Variants in GRID1 observed in about 807,000 individuals in gnomAD.
GRID1 encodes glutamate receptor ionotropic, delta-1.
Under a neutral mutation model 98.0 loss-of-function variants are expected in GRID1, and 28 were observed. The observed-to-expected ratio is 0.29, with a 90% confidence interval of 0.21 to 0.39. The LOEUF is 0.39. Among genes scored for constraint, GRID1 ranks in the 10% least tolerant of loss-of-function variants. GRID1 has a pLI of 1.00. For missense variants in GRID1, 1,111 were observed against 1,340.5 expected (o/e 0.83, Z 2.67); for synonymous variants, 553 against 538.5 (o/e 1.03, Z -0.37).
At chr10:85,984,976 AT>A (rs1842591432) in intron 4 of GRID1, among the ~76,000 whole-genome samples, 2 of 152,096 alleles carry the variant, frequency 1.3e-5, no homozygotes, top group Non-Finnish European at 2.9e-5. Context: ...CTAGCACTAC[AT>A]TTTGGGCTGA....
At chr10:86,054,105 C>G (rs546915315) in intron 4 of GRID1, among the ~76,000 whole-genome samples, 19 of 152,274 alleles carry the variant, frequency 1.2e-4, no homozygotes, top group African/African-American at 4.3e-4. Flanking sequence ...TCTCATGACC[C>G]CCTGAAAATG....
At chr10:86,140,921 C>T (rs1386085411) in intron 3 of GRID1, among the ~76,000 whole-genome samples, 3 of 152,156 alleles carry the variant, frequency 2.0e-5, no homozygotes. Context: ...CAGCAGCATA[C>T]AAATGAGAAC....
chr10:86,182,057 A>G (rs1845663279), intron 3 of GRID1, among the ~76,000 whole-genome samples: 1 of 152,202 alleles, frequency 6.6e-6, no homozygotes, highest in Non-Finnish European at 1.5e-5. Flanking sequence ...TAATGACTTC[A>G]GACTCCGCAC....
intron 4 of GRID1, among the ~76,000 whole-genome samples, chr10:86,111,368 C>T (rs1014382397): frequency 6.6e-6 from 1 of 152,174 alleles, no homozygotes; most frequent in African/African-American, 2.4e-5. Flanking sequence ...ATCCAATCAA[C>T]CATGCCCAGC....
Position 86,302,246 on chromosome 10 carries a change from C to G in GRID1, c.235+61695G>C, listed in dbSNP as rs1847699682. On this transcript the variant is annotated intron_variant, in intron 2 of 15. Transcript: ENST00000327946. ...TTGAGACTCACTCCACAGGGGCCAC[C>G]ATGCCTTCTTGGGAGACACATCTGC... Among the ~76,000 whole-genome samples the G allele has an allele frequency of 2.0e-5, 3 of 152,340 alleles. No homozygotes were observed. The South Asian group carries it at 6.2e-4, about 32-fold the overall frequency.
At chr10:86,294,383 C>A (rs71471194) in intron 2 of GRID1, among the ~76,000 whole-genome samples, 23,910 of 152,208 alleles carry the variant, frequency 0.16, 2,396 homozygotes, top group South Asian at 0.29. Flanking sequence ...GCACCAGCAT[C>A]TTTCTGGTGC....
intron 4 of GRID1, among the ~76,000 whole-genome samples, chr10:85,981,489 G>A (rs1274085207): frequency 6.6e-6 from 1 of 152,182 alleles, no homozygotes; most frequent in Non-Finnish European, 1.5e-5. Flanking sequence ...CAGCCACTAG[G>A]AACCTTGGCA....
intron 4 of GRID1, among the ~76,000 whole-genome samples, chr10:86,130,948 C>T (rs535321472): frequency 2.0e-5 from 3 of 152,228 alleles, no homozygotes; most frequent in Admixed American, 6.5e-5. Flanking sequence ...CCCCCCATCC[C>T]GTAAGGAGCA....
chr10:85,841,591 A>G (rs1842961773), intron 8 of GRID1, among the ~76,000 whole-genome samples: 1 of 152,188 alleles, frequency 6.6e-6, no homozygotes. Context: ...TGCATCTCAC[A>G]AAGGCCTAAT....
intron 8 of GRID1, among the ~76,000 whole-genome samples, chr10:85,817,873 A>G (rs937787257): frequency 1.3e-5 from 2 of 152,188 alleles, no homozygotes; most frequent in Non-Finnish European, 2.9e-5. Context: ...CCTGAGTGAC[A>G]AAACAAGACT....
intron 8 of GRID1, among the ~76,000 whole-genome samples, chr10:85,765,121 T>C (rs1246675071): frequency 6.6e-6 from 1 of 152,164 alleles, no homozygotes; most frequent in Non-Finnish European, 1.5e-5. Context: ...TATTATGTTG[T>C]ATTATCTCAA....
chr10:85,972,610 C>G (rs960056939), intron 4 of GRID1, among the ~76,000 whole-genome samples: 11 of 151,846 alleles, frequency 7.2e-5, no homozygotes, highest in Non-Finnish European at 1.6e-4. Flanking sequence ...ATTGGCTACA[C>G]AATAGTCTAT....
At chr10:86,140,200 C>T (rs2131973028) in intron 3 of GRID1, among the ~76,000 whole-genome samples, 1 of 152,286 alleles carries the variant, frequency 6.6e-6, no homozygotes, top group East Asian at 1.9e-4. Flanking sequence ...CCTTGCATTC[C>T]ACCTCCCATA....
At chr10:85,836,855 G>A (rs887759130) in intron 8 of GRID1, among the ~76,000 whole-genome samples, 8 of 142,348 alleles carry the variant, frequency 5.6e-5, no homozygotes, top group African/African-American at 2.0e-4. Flanking sequence ...GCAGCGTCAG[G>A]TGCCCTGGTG....
At chr10:85,786,669 A>G (rs1842432146) in intron 8 of GRID1, among the ~76,000 whole-genome samples, 1 of 152,238 alleles carries the variant, frequency 6.6e-6, no homozygotes, top group African/African-American at 2.4e-5. Flanking sequence ...AAGCGGCACT[A>G]AAATAAAATG....
intron 3 of GRID1, among the ~76,000 whole-genome samples, chr10:86,183,373 T>G (rs1845684704): frequency 6.6e-6 from 1 of 150,714 alleles, no homozygotes; most frequent in Non-Finnish European, 1.5e-5. Context: ...TTTATTTATT[T>G]ATTGAGATAG....
At chr10:85,980,619 A>G (rs1317769094) in intron 4 of GRID1, among the ~76,000 whole-genome samples, 5 of 152,196 alleles carry the variant, frequency 3.3e-5, no homozygotes, top group African/African-American at 1.2e-4. Context: ...CCCTATGGAA[A>G]ACACACTCGT....
rs567451377 is a variant in GRID1 at position 85,878,321 on chromosome 10, G to C, written c.781-9141C>G. The stretch of plus-strand genomic sequence containing the variant: ...GCAACTCCAAGACACATAATTGTCA[G>C]ATTCACCAAAGTTGAAATGAAGGAA... On this transcript the variant is annotated intron_variant, in intron 5 of 15. Transcript: ENST00000327946. Among the ~76,000 whole-genome samples, 4 of 152,146 alleles carry C rather than the reference G, an allele frequency of 2.6e-5. No individual in the cohort carries two copies. The South Asian group carries it at 6.2e-4, about 24-fold the overall frequency.
intron 8 of GRID1, among the ~76,000 whole-genome samples, chr10:85,841,549 C>G (rs1842961435): frequency 6.6e-6 from 1 of 152,100 alleles, no homozygotes; most frequent in Admixed American, 6.5e-5. Flanking sequence ...AAACTGACAA[C>G]CTACAGAATG....
Sources: gnomAD v4.1 joint callset for allele counts (sites outside exome capture counted in the v4.1 genomes callset) on GRCh38, gnomAD v4.1.1 for gene constraint, MANE v1.5 for transcripts, NCBI Gene and HGNC (gene_info 2026-07-23, HGNC 2026-07-21) for gene names.